MAK: variants seen among roughly 807,000 people sequenced by gnomAD.
The protein encoded by MAK is male germ cell associated kinase.
In MAK, 65 loss-of-function variants were observed where a neutral mutation model predicts 82.6. That is an observed-to-expected ratio of 0.79 (90% CI 0.64 to 0.97). The LOEUF is 0.97. Ranked by LOEUF, MAK falls within the 50% of genes least tolerant of loss-of-function variation. The probability of loss-of-function intolerance (pLI) is 0.00; values close to 1 mark genes in which losing one functional copy is unlikely to be tolerated. For missense variants in MAK, 703 were observed against 780.2 expected, an observed-to-expected ratio of 0.90 and a Z score of 1.18; for synonymous variants, 250 against 274.2, an observed-to-expected ratio of 0.91 and a Z score of 0.87.
chr6:10,830,460 G>T, intron 2 of MAK, 88 bp downstream of exon 2: 1 of 1,108,962 alleles, frequency 9.0e-7, no homozygotes, highest in Non-Finnish European at 1.4e-6. Flanking sequence ...CACCGCGCTG[G>T]CCTGTGCTGG....
At chr6:10,772,991 G>A in intron 13 of MAK, 43 bp downstream of exon 13, 1 of 1,274,334 alleles carries the variant, frequency 7.8e-7, no homozygotes, top group South Asian at 1.3e-5. Flanking sequence ...TCAGACAAGA[G>A]ATTCAAAGAA....
At chr6:10,791,004 A>G (rs1326970554) in intron 10 of MAK, among the ~76,000 whole-genome samples, 1 of 152,096 alleles carries the variant, frequency 6.6e-6, no homozygotes, top group Non-Finnish European at 1.5e-5. Flanking sequence ...ACCTTCTGCC[A>G]TTATTCTAAG....
At chr6:10,828,634 A>T (rs115948739) in intron 2 of MAK, among the ~76,000 whole-genome samples, 3,283 of 152,190 alleles carry the variant, frequency 0.022, 96 homozygotes, top group African/African-American at 0.07. Context: ...CTCCAAAAAA[A>T]TTTTTTAAAA....
At chr6:10,783,586 A>G (rs1581668317) in intron 11 of MAK, among the ~76,000 whole-genome samples, 1 of 152,104 alleles carries the variant, frequency 6.6e-6, no homozygotes. Context: ...GCCCACTTGT[A>G]CCTCTGCCAC....
rs375070639 is a variant in MAK, at chr6:10,775,442, CCTT to C, written c.1480_1482del (p.Lys494del). 757 of 1,613,450 alleles carry C rather than the reference CCTT, an allele frequency of 4.7e-4. 1 individual carries two copies. In the African/African-American group the frequency reaches 8.7e-3, roughly 18 times the overall value. Reference sequence around the variant, plus strand: ...TCCTTTCCACTGGCTATCAAGGACACCTTCTTGGGATTCACACCTGAGAAGAAC... The same window carrying C: ...TCCTTTCCACTGGCTATCAAGGACACCTTGGGATTCACACCTGAGAAGAAC... On this transcript the variant is annotated inframe_deletion, in exon 12 of 15. Coordinates refer to ENST00000354489, the MANE Select transcript of MAK (RefSeq NM_001242957.3).
chr6:10,831,935 A>G (rs1778842502), intron 1 of MAK, among the ~76,000 whole-genome samples: 1 of 152,146 alleles, frequency 6.6e-6, no homozygotes, highest in Non-Finnish European at 1.5e-5. Flanking sequence ...AAAAGACAAA[A>G]AAGAATTTTT....
At chr6:10,786,024 C>T (rs1774501695) in intron 10 of MAK, among the ~76,000 whole-genome samples, 1 of 152,194 alleles carries the variant, frequency 6.6e-6, no homozygotes, top group African/African-American at 2.4e-5. Context: ...GCAGGTGGAT[C>T]ACCTGAGATC....
At chr6:10,808,390 A>T (rs6906052) in intron 6 of MAK, among the ~76,000 whole-genome samples, 9,123 of 152,248 alleles carry the variant, frequency 0.06, 854 homozygotes, top group African/African-American at 0.21. Context: ...GGCGTGCAGT[A>T]GAGAGGATTC....
intron 1 of MAK, among the ~76,000 whole-genome samples, chr6:10,837,388 A>T (rs1166917605): frequency 2.6e-5 from 4 of 152,218 alleles, no homozygotes; most frequent in Non-Finnish European, 5.9e-5. Flanking sequence ...TACACAAAAA[A>T]AGTCCACCCC....
chr6:10,835,847 G>A (rs1779114940), intron 1 of MAK, among the ~76,000 whole-genome samples: 2 of 152,092 alleles, frequency 1.3e-5, no homozygotes, highest in Admixed American at 6.6e-5. Flanking sequence ...TAAAAATTAA[G>A]AATTAATTAC....
chr6:10,831,284 G>A (rs1458728522), intron 1 of MAK, among the ~76,000 whole-genome samples: 1 of 152,142 alleles, frequency 6.6e-6, no homozygotes, highest in Non-Finnish European at 1.5e-5. Context: ...TGGAATATAA[G>A]TACCCCAATT....
intron 14 of MAK, among the ~76,000 whole-genome samples, chr6:10,769,527 C>T (rs1401668360): frequency 1.3e-5 from 2 of 152,208 alleles, no homozygotes; most frequent in African/African-American, 2.4e-5. Flanking sequence ...AAGCAAAAGG[C>T]AGGGTGTGAA....
chr6:10,837,872 G>C (rs929475082), intron 1 of MAK, among the ~76,000 whole-genome samples: 3 of 152,190 alleles, frequency 2.0e-5, no homozygotes, highest in African/African-American at 7.2e-5. Context: ...GGACCGCGTG[G>C]TGGAAGGAGG....
chr6:10,764,172 TTTA>T lies in MAK; in HGVS notation c.*277_*279del. 2.8e-6 allele frequency: 1 copy of T among 353,472 alleles called. No homozygotes were observed. Among genetic ancestry groups the T allele is most frequent in the South Asian group, 4.4e-5 (1 of 22,590 alleles). 21.9% of individuals were successfully genotyped at this position (353,472 alleles called of 1,614,324 possible). ...TTAAGGGTTCTTATTGGATTTACTA[TTTA>T]TTAAATTGTAGATCAAATACTTCAT... is the stretch of plus-strand genomic sequence containing the variant. On this transcript the variant is annotated 3_prime_UTR_variant, in exon 15 of 15. Coordinates refer to ENST00000354489, the MANE Select transcript of MAK (RefSeq NM_001242957.3).
chr6:10,798,557 C>A (rs1775755981), intron 8 of MAK, among the ~76,000 whole-genome samples: 1 of 151,956 alleles, frequency 6.6e-6, no homozygotes, highest in African/African-American at 2.4e-5. Context: ...GTATAGAGTT[C>A]TCAAGACAAA....
chr6:10,765,806 G>C (rs1477560138), intron 14 of MAK, among the ~76,000 whole-genome samples: 2 of 152,050 alleles, frequency 1.3e-5, no homozygotes, highest in Non-Finnish European at 2.9e-5. Flanking sequence ...TTCTCATTGG[G>C]AAAATCATGG....
rs758636733 is a variant in MAK, at chr6:10,764,561, C to T, written c.1838G>A (p.Arg613His). 5.6e-6 allele frequency: 9 copies of T among 1,613,996 alleles called. No individual in the cohort carries two copies. The highest frequency in any genetic ancestry group is 2.2e-5 in the East Asian group (1 of 44,878). Residue 613 changes from arginine (R) to histidine (H), a missense_variant, in exon 15 of 15, where the codon CGT becomes CAT. Coordinates refer to ENST00000354489, the MANE Select transcript of MAK (RefSeq NM_001242957.3). ...GTTTTTTGCTGTAGGATTATAAGTACGTCCTGAAAACTGCCCCCGACCAGT... is the reference window on the plus strand; with the variant it reads ...GTTTTTTGCTGTAGGATTATAAGTATGTCCTGAAAACTGCCCCCGACCAGT... ...TKTGRGQFSG[R>H]TYNPTAKNLN...
intron 4 of MAK, 120 bp downstream of exon 4, chr6:10,817,730 T>G (rs1479469712): frequency 1.2e-5 from 9 of 779,302 alleles, no homozygotes; most frequent in Non-Finnish European, 1.8e-5. Flanking sequence ...GTAACAGAAC[T>G]GGTTAATTTA....
chr6:10,804,347 C>A (rs1387825296), intron 6 of MAK, among the ~76,000 whole-genome samples: 1 of 152,088 alleles, frequency 6.6e-6, no homozygotes, highest in Non-Finnish European at 1.5e-5. Flanking sequence ...CTTCTGTAGT[C>A]AACTATATTT....
Sources: gnomAD v4.1 joint callset for allele counts (sites outside exome capture counted in the v4.1 genomes callset) on GRCh38, gnomAD v4.1.1 for gene constraint, MANE v1.5 for transcripts, NCBI Gene and HGNC (gene_info 2026-07-23, HGNC 2026-07-21) for gene names.